Variants in SLC44A5 observed in about 807,000 individuals in gnomAD.
SLC44A5 encodes the protein solute carrier family 44 member 5.
SLC44A5 carries 57 observed loss-of-function variants against 101.8 expected under a neutral mutation model. The observed-to-expected ratio is 0.56, with a 90% CI of 0.45 to 0.70. SLC44A5 has a LOEUF of 0.70. SLC44A5 is among the 30% of genes least tolerant of loss of function. SLC44A5 has a pLI of 0.00. For missense variants in SLC44A5, 737 were observed against 853.1 expected, an observed-to-expected ratio of 0.86 and a Z score of 1.70; for synonymous variants, 281 against 290.9, an observed-to-expected ratio of 0.97 and a Z score of 0.35.
chr1:75,690,022 C>A, the SLC44A5 span, among the ~76,000 whole-genome samples: 1 of 152,136 alleles, frequency 6.6e-6, no homozygotes, highest in East Asian at 1.9e-4. Flanking sequence ...AGGGCCAACA[C>A]CCCTAATCAG....
At chr1:75,245,888 C>G (rs546910111) in intron 7 of SLC44A5, among the ~76,000 whole-genome samples, 1 of 152,074 alleles carries the variant, frequency 6.6e-6, no homozygotes, top group South Asian at 2.1e-4. Context: ...AAATGAAGGT[C>G]ACATTGAGAT....
the SLC44A5 span, among the ~76,000 whole-genome samples, chr1:75,635,225 T>C: frequency 6.6e-6 from 1 of 151,386 alleles, no homozygotes. Flanking sequence ...TGTAAACTAG[T>C]TCAACCATTG....
chr1:75,636,600 A>C, the SLC44A5 span, among the ~76,000 whole-genome samples: 1 of 152,146 alleles, frequency 6.6e-6, no homozygotes, highest in African/African-American at 2.4e-5. Flanking sequence ...CAATCATTTA[A>C]TAAATGACTA....
At chr1:75,626,841 T>G in the SLC44A5 span, among the ~76,000 whole-genome samples, 3 of 152,152 alleles carry the variant, frequency 2.0e-5, no homozygotes, top group Admixed American at 2.0e-4. Flanking sequence ...ATATTATGCT[T>G]CTGTTCTTAA....
intron 1 of SLC44A5, among the ~76,000 whole-genome samples, chr1:75,563,505 T>A (rs2102014716): frequency 6.6e-6 from 1 of 152,130 alleles, no homozygotes; most frequent in African/African-American, 2.4e-5. Context: ...TTATATTTAA[T>A]GCCATTTAGA....
chr1:75,722,399 G>T, the SLC44A5 span, among the ~76,000 whole-genome samples: 2 of 152,228 alleles, frequency 1.3e-5, no homozygotes, highest in South Asian at 4.1e-4. Context: ...GATCAACTCA[G>T]TATATCACTG....
chr1:75,468,568 C>T (rs1666942605), intron 2 of SLC44A5, among the ~76,000 whole-genome samples: 1 of 152,040 alleles, frequency 6.6e-6, no homozygotes, highest in African/African-American at 2.4e-5. Context: ...AAGCCAGGCA[C>T]AGAAAGACAA....
At position 75,265,133 on chromosome 1, in the gene SLC44A5, A is replaced by C. The variant is rs542615695; in HGVS notation, c.260+9825T>G. ...GATACAAAGTTTCCAAACAAAGAAA[A>C]GTTCAGGACCAGATGGTTTCACTGC... On this transcript the variant is annotated intron_variant, in intron 6 of 23. Transcript: ENST00000370859. 5.9e-5 allele frequency among the ~76,000 whole-genome samples: 9 copies of C among 152,328 alleles called. No homozygotes were observed. In the South Asian group the frequency reaches 1.2e-3, roughly 21 times the overall value.
chr1:75,407,692 C>T (rs1662969563), intron 2 of SLC44A5, among the ~76,000 whole-genome samples: 1 of 152,122 alleles, frequency 6.6e-6, no homozygotes, highest in Non-Finnish European at 1.5e-5. Flanking sequence ...CTTCTTTATA[C>T]CTTATACGAA....
At chr1:75,702,866 T>G in the SLC44A5 span, among the ~76,000 whole-genome samples, 1 of 151,970 alleles carries the variant, frequency 6.6e-6, no homozygotes, top group South Asian at 2.1e-4. Flanking sequence ...AACAGACACC[T>G]CTCAAAAGAA....
At position 75,238,611 on chromosome 1, in the gene SLC44A5, G is replaced by A. The variant is rs1648341248; in HGVS notation, c.558C>T (p.Phe186=). The A allele has an allele frequency of 1.9e-6, 3 of 1,576,392 alleles. No individual in the cohort carries two copies. The highest frequency in any genetic ancestry group is 1.2e-5 in the South Asian group (1 of 86,608). The change falls in exon 10 of 24, where the codon TTC becomes TTT. Residue 186 remains phenylalanine, a synonymous_variant. Coordinates refer to ENST00000370859, the MANE Select transcript of SLC44A5 (RefSeq NM_001130058.2). ...TTGTTAAAGTGCCATTTTTGGTAGAGAAGTCAGGGAAACATCTCTGGAGAA... is the reference window on the plus strand; with the variant it reads ...TTGTTAAAGTGCCATTTTTGGTAGAAAAGTCAGGGAAACATCTCTGGAGAA... ...KPFLQRCFPD[F]STKNGTLTIG...
intron 6 of SLC44A5, among the ~76,000 whole-genome samples, chr1:75,261,452 T>C (rs1650496236): frequency 6.6e-6 from 1 of 151,886 alleles, no homozygotes; most frequent in African/African-American, 2.4e-5. Flanking sequence ...ACATACACCC[T>C]CCCAAGACTA....
chr1:75,284,292 A>T (rs1481779164), intron 5 of SLC44A5, among the ~76,000 whole-genome samples: 5 of 151,984 alleles, frequency 3.3e-5, no homozygotes, highest in Non-Finnish European at 7.4e-5. Context: ...TCTTGATTTG[A>T]TTCTCAGTTT....
intron 2 of SLC44A5, among the ~76,000 whole-genome samples, chr1:75,443,629 T>C (rs1264713426): frequency 6.6e-6 from 1 of 151,858 alleles, no homozygotes; most frequent in African/African-American, 2.4e-5. Flanking sequence ...ATAGGCAAGG[T>C]CTACCAAAGT....
chr1:75,630,798 C>G, the SLC44A5 span, among the ~76,000 whole-genome samples: 2 of 152,156 alleles, frequency 1.3e-5, no homozygotes, highest in African/African-American at 4.8e-5. Flanking sequence ...CACAGAAGCT[C>G]ACCTGAGGTT....
chr1:75,498,534 T>C (rs889113648), intron 2 of SLC44A5, among the ~76,000 whole-genome samples: 11 of 152,192 alleles, frequency 7.2e-5, no homozygotes, highest in African/African-American at 2.7e-4. Context: ...ATAATAGCAA[T>C]TTTTAGATTT....
intron 3 of SLC44A5, among the ~76,000 whole-genome samples, chr1:75,367,967 T>C (rs1447824660): frequency 6.6e-6 from 1 of 152,246 alleles, no homozygotes; most frequent in African/African-American, 2.4e-5. Context: ...GTTGCATTTT[T>C]ATACCACATT....
the SLC44A5 span, among the ~76,000 whole-genome samples, chr1:75,635,012 A>G: frequency 6.6e-6 from 1 of 151,270 alleles, no homozygotes; most frequent in Non-Finnish European, 1.5e-5. Flanking sequence ...ATGAACAGAC[A>G]TTTCTCAAAA....
At position 75,426,731 on chromosome 1, in the gene SLC44A5, G is replaced by C. The variant is rs151328659; in HGVS notation, c.14-30110C>G. Reference sequence around the variant, plus strand: ...CTAAGCTCTTTGGTAACTAGAGCATGGGCACCTGCCTTAGGCCTGGCCAAA... The same window carrying C: ...CTAAGCTCTTTGGTAACTAGAGCATCGGCACCTGCCTTAGGCCTGGCCAAA... On this transcript the variant is annotated intron_variant, in intron 2 of 23. Coordinates refer to ENST00000370859, the MANE Select transcript of SLC44A5 (RefSeq NM_001130058.2). Among the ~76,000 whole-genome samples, 616 of 152,338 alleles carry C rather than the reference G, an allele frequency of 4.0e-3. 6 individuals carry two copies. The highest frequency in any genetic ancestry group is 0.014 in the African/African-American group (570 of 41,586).
Sources: gnomAD v4.1 joint callset for allele counts (sites outside exome capture counted in the v4.1 genomes callset) on GRCh38, gnomAD v4.1.1 for gene constraint, MANE v1.5 for transcripts, NCBI Gene and HGNC (gene_info 2026-07-23, HGNC 2026-07-21) for gene names.